Variants in SRBD1 observed in about 807,000 individuals in gnomAD.
The protein encoded by SRBD1 is S1 RNA-binding domain-containing protein 1.
Under a neutral mutation model 115.3 loss-of-function variants are expected in SRBD1, and 88 were observed. That is an observed-to-expected ratio of 0.76 (90% confidence interval 0.64 to 0.91). The LOEUF is 0.91. Ranked by LOEUF, SRBD1 falls within the 40% of genes least tolerant of loss-of-function variation. SRBD1 has a pLI of 0.00. For synonymous variants in SRBD1, 509 were observed against 407.7 expected (o/e 1.25, Z -2.99); for missense variants, 1,385 against 1,177.4 (o/e 1.18, Z -2.58).
Position 45,498,074 on chromosome 2 carries a change from T to A in SRBD1, c.1875-9743A>T, listed in dbSNP as rs1443083673. Among the ~76,000 whole-genome samples the A allele has an allele frequency of 2.6e-5, 4 of 152,282 alleles. No individual in the cohort carries two copies. The East Asian group carries it at 7.7e-4, about 29-fold the overall frequency. The stretch of plus-strand genomic sequence containing the variant: ...TTCATATCCTTGACAATACTTACTA[T>A]TTGTCTCTCTTTTTACTATAGCTAT... On this transcript the variant is annotated intron_variant, in intron 14 of 20. Coordinates refer to ENST00000263736, the MANE Select transcript of SRBD1 (RefSeq NM_018079.5).
chr2:45,498,543 T>A (rs1670530435), intron 14 of SRBD1, among the ~76,000 whole-genome samples: 2 of 152,198 alleles, frequency 1.3e-5, no homozygotes, highest in East Asian at 3.8e-4. Flanking sequence ...TTTCTTCATG[T>A]TGAGAACATT....
intron 14 of SRBD1, among the ~76,000 whole-genome samples, chr2:45,534,825 T>G (rs554201836): frequency 1.3e-5 from 2 of 152,062 alleles, no homozygotes; most frequent in Admixed American, 6.5e-5. Context: ...TACTGATTTT[T>G]TGGAAAGTAA....
At chr2:45,409,924 C>A (rs1667548391) in intron 19 of SRBD1, among the ~76,000 whole-genome samples, 1 of 151,882 alleles carries the variant, frequency 6.6e-6, no homozygotes, top group Non-Finnish European at 1.5e-5. Flanking sequence ...ATTAAGACAG[C>A]AATATGACAT....
chr2:45,476,932 G>T, intron 16 of SRBD1, 61 bp downstream of exon 16: 1 of 1,469,536 alleles, frequency 6.8e-7, no homozygotes, highest in African/African-American at 1.4e-5. Context: ...ACTATCCCAG[G>T]TTTGAGTACT....
chr2:45,559,543 A>G (rs1488733340), intron 10 of SRBD1, among the ~76,000 whole-genome samples: 2 of 152,190 alleles, frequency 1.3e-5, no homozygotes, highest in African/African-American at 4.8e-5. Context: ...GATAAGCAGT[A>G]TATCTGTCTA....
In SRBD1 at chr2:45,424,472, G is replaced by A. The variant is rs570143957; in HGVS notation, c.2050-4578C>T. Among the ~76,000 whole-genome samples, 4 of 152,148 alleles carry A rather than the reference G, an allele frequency of 2.6e-5. No individual in the cohort carries two copies. The South Asian group carries it at 8.3e-4, about 32-fold the overall frequency. On this transcript the variant is annotated intron_variant, in intron 16 of 20. Transcript: ENST00000263736. ...TATATGCTCATAGCATTGTCCTCAT[G>A]TATTCCAGACTGAAAAAAATTCATG...
chr2:45,405,368 AAAG>A (rs1283126691), intron 19 of SRBD1, among the ~76,000 whole-genome samples: 1 of 152,112 alleles, frequency 6.6e-6, no homozygotes, highest in Non-Finnish European at 1.5e-5. Context: ...ACTGATGATA[AAAG>A]AAGATGGAGT....
intron 16 of SRBD1, among the ~76,000 whole-genome samples, chr2:45,468,999 T>G (rs529673269): frequency 2.6e-5 from 4 of 152,208 alleles, no homozygotes; most frequent in Non-Finnish European, 4.4e-5. Flanking sequence ...TTTATTATTC[T>G]TTTGTATCTC....
At chr2:45,539,819 G>A (rs6544826) in intron 14 of SRBD1, among the ~76,000 whole-genome samples, 42,370 of 151,852 alleles carry the variant, frequency 0.28, 6,184 homozygotes, top group African/African-American at 0.37. Flanking sequence ...CTTACCTTAA[G>A]AACTGAACAA....
intron 16 of SRBD1, among the ~76,000 whole-genome samples, chr2:45,445,117 T>C (rs905514071): frequency 5.9e-5 from 9 of 152,148 alleles, no homozygotes; most frequent in East Asian, 3.8e-4. Flanking sequence ...AGAGTGACAA[T>C]TGTCTTTCAG....
At chr2:45,404,488 A>G (rs1174026040) in intron 19 of SRBD1, among the ~76,000 whole-genome samples, 1 of 152,148 alleles carries the variant, frequency 6.6e-6, no homozygotes, top group East Asian at 1.9e-4. Context: ...TAGTATTCAT[A>G]TTATTTTTGC....
chr2:45,528,618 G>A (rs1478133237), intron 14 of SRBD1, among the ~76,000 whole-genome samples: 1 of 151,834 alleles, frequency 6.6e-6, no homozygotes, highest in African/African-American at 2.4e-5. Context: ...CCATGTCTCT[G>A]GTGAGAACTT....
chr2:45,395,675 C>T (rs1488166196), intron 19 of SRBD1, among the ~76,000 whole-genome samples: 7 of 152,078 alleles, frequency 4.6e-5, no homozygotes, highest in African/African-American at 4.8e-5. Context: ...AACAAGGTCA[C>T]GCACACACAC....
At chr2:45,410,422 A>G (rs1667565420) in intron 19 of SRBD1, among the ~76,000 whole-genome samples, 1 of 152,234 alleles carries the variant, frequency 6.6e-6, no homozygotes, top group South Asian at 2.1e-4. Flanking sequence ...CAACAAAAAA[A>G]CTGCGCAAGA....
At chr2:45,488,061 T>C (rs369247113) in intron 15 of SRBD1, among the ~76,000 whole-genome samples, 179 bp downstream of exon 15, 13 of 152,230 alleles carry the variant, frequency 8.5e-5, no homozygotes, top group African/African-American at 3.1e-4. Flanking sequence ...ATATTCTTCC[T>C]CTTCTTTTCC....
At chr2:45,519,579 T>C (rs1157235591) in intron 14 of SRBD1, among the ~76,000 whole-genome samples, 1 of 152,236 alleles carries the variant, frequency 6.6e-6, no homozygotes. Flanking sequence ...ATATTCAACA[T>C]TCTTACATTA....
intron 14 of SRBD1, among the ~76,000 whole-genome samples, chr2:45,545,991 A>G (rs1266965596): frequency 6.6e-6 from 1 of 152,242 alleles, no homozygotes; most frequent in Non-Finnish European, 1.5e-5. Context: ...TCTCACTAGC[A>G]GTGGGAGATA....
At chr2:45,483,761 G>T (rs996001563) in intron 15 of SRBD1, among the ~76,000 whole-genome samples, 3 of 152,000 alleles carry the variant, frequency 2.0e-5, no homozygotes, top group Non-Finnish European at 4.4e-5. Context: ...GTCTTTTTCA[G>T]TCAACAACTC....
chr2:45,394,836 T>C lies in SRBD1; in HGVS notation c.2514-1707A>G, dbSNP rs370384818. The stretch of plus-strand genomic sequence containing the variant: ...GAATGTATTTTGGTTAATAGTCTAA[T>C]AAAATACCAAAACGTTGGTGTTTGG... On this transcript the variant is annotated intron_variant, in intron 19 of 20. Coordinates refer to ENST00000263736, the MANE Select transcript of SRBD1 (RefSeq NM_018079.5). Among the ~76,000 whole-genome samples the C allele has an allele frequency of 1.1e-4, 17 of 152,348 alleles. No homozygotes were observed. In the South Asian group the frequency reaches 2.3e-3, roughly 20 times the overall value.
Sources: allele counts gnomAD v4.1 joint callset (sites outside exome capture counted in the v4.1 genomes callset), GRCh38; gene constraint gnomAD v4.1.1; transcripts MANE v1.5; gene names NCBI Gene and HGNC (gene_info 2026-07-23, HGNC 2026-07-21).